EIF2AK2: variants seen among roughly 807,000 people sequenced by gnomAD.
EIF2AK2 encodes the protein interferon-induced, double-stranded RNA-activated protein kinase.
Under a neutral mutation model 70.5 loss-of-function variants are expected in EIF2AK2, and 40 were observed. That is an observed-to-expected ratio of 0.57 (90% confidence interval 0.44 to 0.74). The LOEUF is 0.74. EIF2AK2 is among the 30% of genes least tolerant of loss of function. EIF2AK2 has a pLI of 0.00. For synonymous variants in EIF2AK2, 198 were observed against 220.9 expected (o/e 0.90, Z 0.92); for missense variants, 555 against 644.3 (o/e 0.86, Z 1.50).
chr2:37,123,733 G>A (rs913245695), intron 11 of EIF2AK2, among the ~76,000 whole-genome samples: 3 of 152,142 alleles, frequency 2.0e-5, no homozygotes, highest in Non-Finnish European at 4.4e-5. Flanking sequence ...TACACAAAGA[G>A]GATAACTTAT....
At chr2:37,119,903 T>C in intron 13 of EIF2AK2, 56 bp downstream of exon 13, 1 of 1,027,076 alleles carries the variant, frequency 9.7e-7, no homozygotes, top group Non-Finnish European at 1.3e-6. Flanking sequence ...AGAAGATATA[T>C]TTTAAAATTA....
intron 14 of EIF2AK2, among the ~76,000 whole-genome samples, chr2:37,113,601 G>A (rs1360679704): frequency 6.6e-6 from 1 of 151,290 alleles, no homozygotes; most frequent in Non-Finnish European, 1.5e-5. Context: ...TAACAGATAC[G>A]GGATCAACAC....
At chr2:37,121,795 T>C (rs971972593) in intron 12 of EIF2AK2, among the ~76,000 whole-genome samples, 9 of 152,110 alleles carry the variant, frequency 5.9e-5, no homozygotes, top group Non-Finnish European at 1.2e-4. Flanking sequence ...GAACTGATGA[T>C]AATGTTCTCA....
At chr2:37,143,946 T>C (rs1372021172) in intron 4 of EIF2AK2, among the ~76,000 whole-genome samples, 1 of 152,166 alleles carries the variant, frequency 6.6e-6, no homozygotes, top group Admixed American at 6.5e-5. Flanking sequence ...GTATTAGAGA[T>C]ATTATAAGTA....
intron 13 of EIF2AK2, among the ~76,000 whole-genome samples, chr2:37,118,506 G>C (rs1674424676): frequency 1.3e-5 from 2 of 152,020 alleles, no homozygotes; most frequent in African/African-American, 4.8e-5. Flanking sequence ...TTCATTCTGA[G>C]GACTAGGAGC....
At chr2:37,155,868 G>C (rs1355440355) in intron 1 of EIF2AK2, among the ~76,000 whole-genome samples, 1 of 151,202 alleles carries the variant, frequency 6.6e-6, no homozygotes, top group Non-Finnish European at 1.5e-5. Flanking sequence ...TTGAACCTGA[G>C]AGGCAGAGGT....
intron 14 of EIF2AK2, among the ~76,000 whole-genome samples, chr2:37,114,218 T>A (rs937392428): frequency 6.6e-6 from 1 of 152,136 alleles, no homozygotes; most frequent in Non-Finnish European, 1.5e-5. Context: ...GAAGATTGCT[T>A]GAGCCCAAGA....
At chr2:37,137,776 C>T (rs934927234) in intron 8 of EIF2AK2, among the ~76,000 whole-genome samples, 13 of 151,852 alleles carry the variant, frequency 8.6e-5, no homozygotes, top group Admixed American at 7.9e-4. Context: ...ACAGAAGTGA[C>T]GTGTGGAAGG....
intron 10 of EIF2AK2, 88 bp downstream of exon 10, chr2:37,135,396 C>T: frequency 9.6e-7 from 1 of 1,044,946 alleles, no homozygotes; most frequent in South Asian, 1.5e-5. Flanking sequence ...TTTTAACTGA[C>T]AGGATCATGG....
chr2:37,108,813 G>C (rs4648239), intron 15 of EIF2AK2, among the ~76,000 whole-genome samples: 3,094 of 152,244 alleles, frequency 0.02, 99 homozygotes, highest in African/African-American at 0.071. Flanking sequence ...CAAGTGATCT[G>C]CCTGCCTTGG....
intron 12 of EIF2AK2, 102 bp from the exon 13 acceptor site, chr2:37,120,241 A>G: frequency 1.2e-6 from 1 of 813,228 alleles, no homozygotes; most frequent in Non-Finnish European, 1.6e-6. Flanking sequence ...TTAAAAGCTT[A>G]TACCTTATCT....
At chr2:37,133,531 C>T (rs944645131) in intron 10 of EIF2AK2, among the ~76,000 whole-genome samples, 3 of 152,166 alleles carry the variant, frequency 2.0e-5, no homozygotes, top group Non-Finnish European at 4.4e-5. Flanking sequence ...TCACTACACC[C>T]ACAGCAGCAA....
rs940825059 is a variant in EIF2AK2 at position 37,126,421 on chromosome 2, A to G, written c.786-10T>C. ...AAAATCCATGCCAAACCTTAAAGAT[A>G]AAAACCACTGTTATTTTGACATTTC... On this transcript the variant is annotated splice_polypyrimidine_tract_variant and intron_variant, in intron 10 of 16. Coordinates refer to ENST00000233057, the MANE Select transcript of EIF2AK2 (RefSeq NM_001135651.3). 4.4e-6 allele frequency: 7 copies of G among 1,603,584 alleles called. No homozygotes were observed. In the African/African-American group the frequency reaches 8.1e-5, roughly 19 times the overall value.
intron 10 of EIF2AK2, among the ~76,000 whole-genome samples, chr2:37,127,989 G>T: frequency 6.6e-6 from 1 of 152,046 alleles, no homozygotes; most frequent in East Asian, 1.9e-4. Flanking sequence ...TGATCCATCC[G>T]CCTCAGCCTC....
chr2:37,121,220 A>G (rs1294730933), intron 12 of EIF2AK2, among the ~76,000 whole-genome samples: 6 of 119,764 alleles, frequency 5.0e-5, no homozygotes, highest in Admixed American at 2.3e-4. Context: ...CCAAGATTGC[A>G]CCACTGCACT....
intron 7 of EIF2AK2, 33 bp from the exon 8 acceptor site, chr2:37,138,396 A>C (rs1473625176): frequency 2.5e-6 from 4 of 1,602,966 alleles, no homozygotes; most frequent in Non-Finnish European, 8.5e-7. Flanking sequence ...TTAGTTTATT[A>C]ATTCTGTTTT....
intron 10 of EIF2AK2, among the ~76,000 whole-genome samples, chr2:37,131,084 T>C (rs578108772): frequency 6.6e-6 from 1 of 152,350 alleles, no homozygotes; most frequent in South Asian, 2.1e-4. Flanking sequence ...TTTCTGATTA[T>C]AGATAGCAAA....
intron 1 of EIF2AK2, among the ~76,000 whole-genome samples, chr2:37,153,801 A>T (rs555797681): frequency 2.0e-5 from 3 of 152,158 alleles, no homozygotes; most frequent in African/African-American, 4.8e-5. Context: ...TGGTATACAT[A>T]TATCTGTTTA....
intron 6 of EIF2AK2, 129 bp downstream of exon 6, chr2:37,139,502 G>T: frequency 7.5e-7 from 1 of 1,330,114 alleles, no homozygotes; most frequent in South Asian, 1.4e-5. Flanking sequence ...TCATCGGTAC[G>T]ACACAGAATG....
Sources: allele counts gnomAD v4.1 joint callset (sites outside exome capture counted in the v4.1 genomes callset), GRCh38; gene constraint gnomAD v4.1.1; transcripts MANE v1.5; gene names NCBI Gene and HGNC (gene_info 2026-07-23, HGNC 2026-07-21).